Variants in LRRC28 observed in about 807,000 individuals in gnomAD.
LRRC28 encodes the protein leucine-rich repeat-containing protein 28.
Under a neutral mutation model 45.7 loss-of-function variants are expected in LRRC28, and 39 were observed. The observed-to-expected ratio is 0.85, with a 90% CI of 0.66 to 1.12. The LOEUF (loss-of-function observed/expected upper bound fraction) is 1.12. Ranked by LOEUF, LRRC28 falls within the 50% of genes most tolerant of loss-of-function variation. The probability of loss-of-function intolerance (pLI) is 0.00; values close to 1 mark genes in which losing one functional copy is unlikely to be tolerated. For synonymous variants in LRRC28, 206 were observed against 178.8 expected, an observed-to-expected ratio of 1.15 and a Z score of -1.22; for missense variants, 435 against 438.5, an observed-to-expected ratio of 0.99 and a Z score of 0.07.
chr15:99,350,066 G>A (rs1398009924), intron 6 of LRRC28, among the ~76,000 whole-genome samples: 1 of 151,040 alleles, frequency 6.6e-6, no homozygotes, highest in Non-Finnish European at 1.5e-5. Context: ...AACCCGGGAA[G>A]CGGAGCTTGC....
At chr15:99,349,699 C>T (rs1005609595) in intron 6 of LRRC28, among the ~76,000 whole-genome samples, 2 of 152,170 alleles carry the variant, frequency 1.3e-5, no homozygotes, top group Non-Finnish European at 2.9e-5. Flanking sequence ...GAACCAATGT[C>T]CCTGATACGT....
chr15:99,261,813 A>G (rs2081206456), intron 2 of LRRC28, among the ~76,000 whole-genome samples: 1 of 151,808 alleles, frequency 6.6e-6, no homozygotes. Flanking sequence ...ATGCACCACC[A>G]CGCCCGGCTA....
intron 5 of LRRC28, among the ~76,000 whole-genome samples, chr15:99,310,537 T>G (rs1367927356): frequency 6.6e-6 from 1 of 152,190 alleles, no homozygotes; most frequent in Non-Finnish European, 1.5e-5. Flanking sequence ...GTGATGAAAT[T>G]GGAAGGGTGT....
chr15:99,273,878 A>T (rs901610805), intron 2 of LRRC28, among the ~76,000 whole-genome samples: 1 of 152,222 alleles, frequency 6.6e-6, no homozygotes, highest in African/African-American at 2.4e-5. Flanking sequence ...TTTTTGGACA[A>T]ATCTTTCCTT....
intron 7 of LRRC28, among the ~76,000 whole-genome samples, chr15:99,353,462 T>A (rs904063814): frequency 6.6e-6 from 1 of 152,192 alleles, no homozygotes; most frequent in African/African-American, 2.4e-5. Context: ...AAGCCCAAGA[T>A]GAGTTCAGTG....
At chr15:99,324,510 A>T (rs1362162094) in intron 5 of LRRC28, among the ~76,000 whole-genome samples, 1 of 152,044 alleles carries the variant, frequency 6.6e-6, no homozygotes, top group Non-Finnish European at 1.5e-5. Context: ...CTTGGTGTGG[A>T]GTGGGTGGCT....
intron 2 of LRRC28, among the ~76,000 whole-genome samples, chr15:99,261,461 T>C (rs2152129006): frequency 6.6e-6 from 1 of 152,242 alleles, no homozygotes; most frequent in African/African-American, 2.4e-5. Context: ...AGATTCGGTG[T>C]CTGGTGAGGT....
chr15:99,271,395 C>T (rs1464992276), intron 2 of LRRC28, among the ~76,000 whole-genome samples: 2 of 151,868 alleles, frequency 1.3e-5, no homozygotes, highest in South Asian at 4.1e-4. Context: ...TCTCCTGCCT[C>T]AGCCTCCCAA....
intron 5 of LRRC28, among the ~76,000 whole-genome samples, chr15:99,294,308 C>T (rs1352391781): frequency 6.6e-6 from 1 of 151,898 alleles, no homozygotes; most frequent in Non-Finnish European, 1.5e-5. Flanking sequence ...ATTTGGTATT[C>T]TTCTACAGGT....
At chr15:99,355,458 C>T (rs558690488) in intron 7 of LRRC28, 16 of 152,312 alleles carry the variant, frequency 1.1e-4, no homozygotes, top group South Asian at 4.1e-4. Context: ...CCACTAGGAG[C>T]GAGGACCATT....
At chr15:99,318,002 G>A (rs1955657551) in intron 5 of LRRC28, among the ~76,000 whole-genome samples, 1 of 152,190 alleles carries the variant, frequency 6.6e-6, no homozygotes, top group Non-Finnish European at 1.5e-5. Context: ...CAGCAAAGCA[G>A]TAGTCCTCTT....
chr15:99,258,029 A>G, intron 2 of LRRC28: 1 of 1,127,774 alleles, frequency 8.9e-7, no homozygotes, highest in Non-Finnish European at 1.4e-6. Context: ...AGTCAAAATT[A>G]AGTGTGATAA....
intron 5 of LRRC28, among the ~76,000 whole-genome samples, chr15:99,300,038 T>G (rs931801696): frequency 1.3e-5 from 2 of 152,202 alleles, no homozygotes; most frequent in Non-Finnish European, 2.9e-5. Context: ...CAGAGCTGTT[T>G]GATGACTTTT....
At chr15:99,356,560 T>C (rs1567693202) in intron 7 of LRRC28, among the ~76,000 whole-genome samples, 1 of 152,082 alleles carries the variant, frequency 6.6e-6, no homozygotes, top group Non-Finnish European at 1.5e-5. Flanking sequence ...CTAGCCAATA[T>C]AAAAGAATCT....
At chr15:99,351,093 C>T (rs1377998753) in intron 6 of LRRC28, among the ~76,000 whole-genome samples, 2 of 152,100 alleles carry the variant, frequency 1.3e-5, no homozygotes, top group African/African-American at 2.4e-5. Context: ...AGCACCACCA[C>T]CCCCCACCCC....
chr15:99,312,221 G>A (rs1475162302), intron 5 of LRRC28, among the ~76,000 whole-genome samples: 1 of 152,106 alleles, frequency 6.6e-6, no homozygotes, highest in Non-Finnish European at 1.5e-5. Flanking sequence ...TACACACTAA[G>A]CCATATTGTA....
At chr15:99,337,428 C>A (rs895891174) in intron 6 of LRRC28, among the ~76,000 whole-genome samples, 1 of 152,254 alleles carries the variant, frequency 6.6e-6, no homozygotes, top group Non-Finnish European at 1.5e-5. Flanking sequence ...CTAGGCTGCT[C>A]TTCTGCCTTG....
intron 5 of LRRC28, among the ~76,000 whole-genome samples, chr15:99,304,842 C>T (rs1289258579): frequency 6.6e-6 from 1 of 151,642 alleles, no homozygotes; most frequent in Non-Finnish European, 1.5e-5. Flanking sequence ...GGATCACGAC[C>T]CTATTCAGTA....
intron 7 of LRRC28, among the ~76,000 whole-genome samples, chr15:99,356,767 A>G (rs1957058858): frequency 6.6e-6 from 1 of 152,258 alleles, no homozygotes; most frequent in African/African-American, 2.4e-5. Flanking sequence ...TGATGGGTAC[A>G]AAAGATAAAA....
Sources: gnomAD v4.1 joint callset for allele counts (sites outside exome capture counted in the v4.1 genomes callset) on GRCh38, gnomAD v4.1.1 for gene constraint, MANE v1.5 for transcripts, NCBI Gene and HGNC (gene_info 2026-07-23, HGNC 2026-07-21) for gene names.